Variants in MICAL2 observed in about 807,000 individuals in gnomAD.
MICAL2 encodes [F-actin]-monooxygenase MICAL2.
Under a neutral mutation model 127.3 loss-of-function variants are expected in MICAL2, and 77 were observed. The observed-to-expected ratio is 0.60, with a 90% CI of 0.50 to 0.73. The LOEUF is 0.73. MICAL2 is among the 30% of genes least tolerant of loss of function. MICAL2 has a pLI of 0.00. For missense variants in MICAL2, 1,351 were observed against 1,434.4 expected (o/e 0.94, Z 0.94); for synonymous variants, 570 against 551.1 (o/e 1.03, Z -0.48).
Position 12,216,221 on chromosome 11 carries a change from A to G in MICAL2, c.850A>G (p.Ile284Val). 1.2e-6 allele frequency: 2 copies of G among 1,610,384 alleles called. No individual in the cohort carries two copies. Among genetic ancestry groups the G allele is most frequent in the East Asian group, 2.2e-5 (1 of 44,890 alleles). Residue 284 changes from isoleucine (I) to valine (V), a missense_variant and splice_region_variant, in exon 8 of 28, where the codon ATA (isoleucine) becomes GTA (valine). Transcript: ENST00000683283. ...FFQDLKEETG[I>V]DLENIVYYKD... ...CTTGTGAATGCTTCTCTTTTCAGGC[A>G]TAGATCTTGAGAACATTGTTTACTA...
chr11:12,260,599 G>A (rs1388241095), intron 26 of MICAL2: 2 of 990,004 alleles, frequency 2.0e-6, no homozygotes, highest in South Asian at 4.7e-5. Context: ...GCATGAAAAT[G>A]AGTGTGCCAT....
chr11:12,297,069 A>G (rs1590727130), downstream of MICAL2, among the ~76,000 whole-genome samples: 1 of 152,264 alleles, frequency 6.6e-6, no homozygotes, highest in East Asian at 1.9e-4. Context: ...ATAAATTCTT[A>G]GAAGTGGAAA....
intron 10 of MICAL2, among the ~76,000 whole-genome samples, chr11:12,222,221 G>T (rs952179336): frequency 6.6e-6 from 1 of 152,132 alleles, no homozygotes; most frequent in Non-Finnish European, 1.5e-5. Context: ...GCTGGTGGAC[G>T]GGGGGAGGTC....
At chr11:12,261,819 T>C (rs752944950) in intron 26 of MICAL2, 3 of 985,678 alleles carry the variant, frequency 3.0e-6, no homozygotes, top group Non-Finnish European at 3.6e-6. Flanking sequence ...ATGACTTGCA[T>C]TGTGTTTTCT....
chr11:12,300,930 C>T (rs989465441), intron 29 of MICAL2, among the ~76,000 whole-genome samples: 1 of 152,140 alleles, frequency 6.6e-6, no homozygotes, highest in Non-Finnish European at 1.5e-5. Context: ...TTTCATTAAA[C>T]ATTCTGTATT....
intron 3 of MICAL2, among the ~76,000 whole-genome samples, chr11:12,190,892 C>T (rs1245784872): frequency 6.6e-6 from 1 of 152,164 alleles, no homozygotes; most frequent in East Asian, 1.9e-4. Context: ...TAGTTTATCC[C>T]TTATTTAATA....
chr11:12,344,478 T>C (rs1048340197), intron 32 of MICAL2, among the ~76,000 whole-genome samples: 3 of 101,550 alleles, frequency 3.0e-5, no homozygotes, highest in African/African-American at 9.9e-5. Flanking sequence ...GAAACTATTA[T>C]TATTATTATT....
intron 29 of MICAL2, among the ~76,000 whole-genome samples, chr11:12,300,494 A>G (rs551894453): frequency 1.3e-5 from 2 of 152,330 alleles, no homozygotes; most frequent in African/African-American, 4.8e-5. Context: ...TCCTGAAGTC[A>G]GAGACTGGAT....
intron 29 of MICAL2, among the ~76,000 whole-genome samples, chr11:12,314,603 C>G (rs1481727959): frequency 6.6e-6 from 1 of 151,006 alleles, no homozygotes; most frequent in African/African-American, 2.4e-5. Flanking sequence ...CTCAGCCTCC[C>G]GAGTAGCTGG....
chr11:12,227,435 T>C (rs548174285), intron 15 of MICAL2, among the ~76,000 whole-genome samples: 2 of 152,368 alleles, frequency 1.3e-5, no homozygotes, highest in South Asian at 4.1e-4. Flanking sequence ...GGGATGGGGA[T>C]GAAATGATTT....
At chr11:12,243,071 C>A in intron 20 of MICAL2, 1 of 243,874 alleles carries the variant, frequency 4.1e-6, no homozygotes, top group Non-Finnish European at 7.8e-6. Flanking sequence ...ATTTTCCAAG[C>A]AGGCTCTGAG....
chr11:12,187,183 T>A (rs1394635596), intron 3 of MICAL2, among the ~76,000 whole-genome samples: 1 of 152,216 alleles, frequency 6.6e-6, no homozygotes, highest in African/African-American at 2.4e-5. Context: ...TTTCTTTCTC[T>A]TCTTCCCTCC....
intron 32 of MICAL2, among the ~76,000 whole-genome samples, chr11:12,335,050 C>T (rs899374212): frequency 6.6e-6 from 1 of 151,898 alleles, no homozygotes; most frequent in African/African-American, 2.4e-5. Context: ...AATGGTTGAA[C>T]TAGTTTACAG....
rs531576909 is a variant in MICAL2, at chr11:12,115,601, G to A, written c.-149+4875G>A. ...TCCAAAGTACTGGGATCACAGGTAT[G>A]AACCACTATGCCTGGCCTAGCCTTT... On this transcript the variant is annotated intron_variant, in intron 1 of 27. Transcript: ENST00000683283. Among the ~76,000 whole-genome samples, 5 of 152,284 alleles carry A rather than the reference G, an allele frequency of 3.3e-5. No homozygotes were observed. In the South Asian group the frequency reaches 1.0e-3, roughly 32 times the overall value.
intron 1 of MICAL2, among the ~76,000 whole-genome samples, chr11:12,132,823 C>T (rs891655839): frequency 4.1e-4 from 62 of 152,246 alleles, no homozygotes; most frequent in African/African-American, 1.4e-3. Flanking sequence ...TAGAAGCTAC[C>T]ACTTCCATCT....
At chr11:12,183,374 A>G (rs1857730919) in intron 3 of MICAL2, among the ~76,000 whole-genome samples, 3 of 152,124 alleles carry the variant, frequency 2.0e-5, no homozygotes, top group Non-Finnish European at 4.4e-5. Flanking sequence ...AATGATTGCC[A>G]GAGTCATGGC....
chr11:12,190,330 T>G (rs1590259790), intron 3 of MICAL2, among the ~76,000 whole-genome samples: 1 of 152,266 alleles, frequency 6.6e-6, no homozygotes, highest in East Asian at 1.9e-4. Context: ...CCATCTTCTG[T>G]GGGTTGGATA....
chr11:12,152,119 C>T (rs1391123501), intron 2 of MICAL2, among the ~76,000 whole-genome samples: 3 of 140,802 alleles, frequency 2.1e-5, no homozygotes, highest in Non-Finnish European at 4.6e-5. Flanking sequence ...GAAACCCCGT[C>T]TCTACTAAAA....
intron 2 of MICAL2, among the ~76,000 whole-genome samples, chr11:12,160,408 C>G (rs186190777): frequency 6.6e-6 from 1 of 152,314 alleles, no homozygotes; most frequent in East Asian, 1.9e-4. Context: ...CCTCTGTCTT[C>G]TGCTCCTCAC....
Sources: allele counts gnomAD v4.1 joint callset (sites outside exome capture counted in the v4.1 genomes callset), GRCh38; gene constraint gnomAD v4.1.1; transcripts MANE v1.5; gene names NCBI Gene and HGNC (gene_info 2026-07-23, HGNC 2026-07-21).